Variants in HMGA2 observed in about 807,000 individuals in gnomAD.
HMGA2 encodes high mobility group AT-hook 2, also known as high mobility group protein HMGI-C.
Under a neutral mutation model 19.1 loss-of-function variants are expected in HMGA2, and 8 were observed. That is an observed-to-expected ratio of 0.42 (90% confidence interval 0.25 to 0.76). HMGA2 has a LOEUF of 0.76. Among genes scored for constraint, HMGA2 ranks in the 30% least tolerant of loss-of-function variants. The pLI is 0.28. For missense variants in HMGA2, 109 were observed against 136.3 expected (o/e 0.80, Z 1.00); for synonymous variants, 60 against 48.8 (o/e 1.23, Z -0.96).
chr12:65,960,061 T>C (rs1286633471), intron 4 of HMGA2, among the ~76,000 whole-genome samples: 1 of 152,044 alleles, frequency 6.6e-6, no homozygotes, highest in African/African-American at 2.4e-5. Flanking sequence ...GGCTAATTTT[T>C]TGTATTTTTA....
intron 3 of HMGA2, among the ~76,000 whole-genome samples, chr12:65,921,547 G>A (rs967522640): frequency 2.0e-5 from 3 of 152,156 alleles, no homozygotes; most frequent in African/African-American, 4.8e-5. Context: ...GCGCCCGGCA[G>A]GCATTAAGTT....
At chr12:65,919,628 G>C (rs1875231964) in intron 3 of HMGA2, among the ~76,000 whole-genome samples, 1 of 152,196 alleles carries the variant, frequency 6.6e-6, no homozygotes, top group Non-Finnish European at 1.5e-5. Flanking sequence ...GACAGATAAA[G>C]AGAACCACGT....
chr12:65,918,645 G>C (rs1486070391), intron 3 of HMGA2, among the ~76,000 whole-genome samples: 1 of 152,078 alleles, frequency 6.6e-6, no homozygotes, highest in Non-Finnish European at 1.5e-5. Context: ...TTTAAGAAAA[G>C]AAACAAAACT....
intron 3 of HMGA2, chr12:65,857,031 A>G (rs1211682357): frequency 6.6e-6 from 1 of 152,202 alleles, no homozygotes; most frequent in Non-Finnish European, 1.5e-5. Flanking sequence ...ACAGTTCTTT[A>G]TAACTTTAAA....
intron 3 of HMGA2, chr12:65,843,004 C>A: frequency 2.4e-6 from 1 of 420,882 alleles, no homozygotes; most frequent in Non-Finnish European, 3.5e-6. Flanking sequence ...ATAATGAAGA[C>A]TACATCAATG....
chr12:65,897,542 G>A (rs1047055038), intron 3 of HMGA2, among the ~76,000 whole-genome samples: 4 of 152,156 alleles, frequency 2.6e-5, no homozygotes, highest in Non-Finnish European at 5.9e-5. Flanking sequence ...TAGGCAAAAG[G>A]ACAAAAAGGA....
intron 1 of HMGA2, among the ~76,000 whole-genome samples, chr12:65,827,204 T>C (rs1870250295): frequency 6.6e-6 from 1 of 152,234 alleles, no homozygotes; most frequent in Admixed American, 6.5e-5. Context: ...ACTCCATTCC[T>C]CCTCGCTTTT....
intron 3 of HMGA2, among the ~76,000 whole-genome samples, chr12:65,908,222 A>G (rs1874687725): frequency 6.6e-6 from 1 of 152,176 alleles, no homozygotes; most frequent in African/African-American, 2.4e-5. Flanking sequence ...TCAAACAGCC[A>G]TTACATGCGA....
chr12:65,862,825 T>A (rs1872177315), intron 3 of HMGA2, among the ~76,000 whole-genome samples: 1 of 152,082 alleles, frequency 6.6e-6, no homozygotes, highest in South Asian at 2.1e-4. Context: ...GAAAATGAAA[T>A]GTGATATAGA....
chr12:65,880,883 T>C (rs1373189762), intron 3 of HMGA2, among the ~76,000 whole-genome samples: 1 of 152,210 alleles, frequency 6.6e-6, no homozygotes, highest in Non-Finnish European at 1.5e-5. Context: ...GCTCTATTTA[T>C]CTTAGCATGG....
At chr12:65,834,185 T>C (rs1870600737) in intron 2 of HMGA2, among the ~76,000 whole-genome samples, 1 of 152,192 alleles carries the variant, frequency 6.6e-6, no homozygotes. Context: ...TGTAAAATAT[T>C]TGTTACAAGG....
intron 3 of HMGA2, among the ~76,000 whole-genome samples, chr12:65,936,182 T>G (rs1008738942): frequency 2.6e-5 from 4 of 151,708 alleles, no homozygotes; most frequent in Non-Finnish European, 5.9e-5. Flanking sequence ...GTGTGTTCTT[T>G]GCTCTCTCTG....
chr12:65,833,164 A>G (rs551248121), intron 2 of HMGA2, among the ~76,000 whole-genome samples: 8 of 152,136 alleles, frequency 5.3e-5, no homozygotes, highest in Non-Finnish European at 1.2e-4. Flanking sequence ...AAAGTGTTGC[A>G]TGTAAAATTA....
intron 3 of HMGA2, among the ~76,000 whole-genome samples, chr12:65,931,000 C>T (rs1185451103): frequency 6.6e-6 from 1 of 152,158 alleles, no homozygotes; most frequent in East Asian, 1.9e-4. Context: ...TAAACCTTTG[C>T]TGTTAACTAA....
At chr12:65,959,862 T>C (rs1876701848) in intron 4 of HMGA2, among the ~76,000 whole-genome samples, 1 of 152,180 alleles carries the variant, frequency 6.6e-6, no homozygotes, top group Non-Finnish European at 1.5e-5. Flanking sequence ...AGCTATTGTC[T>C]ATAACACACG....
chr12:65,860,696 A>G (rs1258108427), intron 3 of HMGA2, among the ~76,000 whole-genome samples: 1 of 152,204 alleles, frequency 6.6e-6, no homozygotes, highest in East Asian at 1.9e-4. Context: ...GCGTAATTGG[A>G]AGTTTTTGTT....
chr12:65,946,824 C>G (rs1244981356), intron 3 of HMGA2, among the ~76,000 whole-genome samples: 1 of 152,158 alleles, frequency 6.6e-6, no homozygotes. Context: ...AATTCAGTAA[C>G]TTTTTTTCTT....
chr12:65,845,704 C>A (rs1436851202), intron 3 of HMGA2, among the ~76,000 whole-genome samples: 1 of 152,112 alleles, frequency 6.6e-6, no homozygotes, highest in Non-Finnish European at 1.5e-5. Flanking sequence ...AAAAAAGGAC[C>A]TCTGCGTTTT....
chr12:65,859,519 T>G lies in HMGA2; in HGVS notation c.249+20950T>G, dbSNP rs145282773. The G allele has an allele frequency of 1.8e-4, 28 of 152,216 alleles. 1 individual carries two copies. Among genetic ancestry groups the G allele is most frequent in the African/African-American group, 6.5e-4 (27 of 41,522 alleles). 9.4% of individuals were successfully genotyped at this position (152,216 alleles called of 1,614,324 possible). A position where few individuals can be genotyped will look rare whatever the true frequency, so the allele number is the denominator to read the frequency against. On this transcript the variant is annotated intron_variant, in intron 3 of 4. Transcript: ENST00000403681. ...TTTCCAATATGGAAATAACTAAGAG[T>G]AAACATCCTATTCCATGAACAGGAC...
Sources: gnomAD v4.1 joint callset for allele counts (sites outside exome capture counted in the v4.1 genomes callset) on GRCh38, gnomAD v4.1.1 for gene constraint, MANE v1.5 for transcripts, NCBI Gene and HGNC (gene_info 2026-07-23, HGNC 2026-07-21) for gene names.